Variants in CABIN1 observed in about 807,000 individuals in gnomAD.
CABIN1 encodes calcineurin binding protein 1.
In CABIN1, 133 loss-of-function variants were observed where a neutral mutation model predicts 227.7. That is an observed-to-expected ratio of 0.58 (90% CI 0.51 to 0.67). The LOEUF (loss-of-function observed/expected upper bound fraction) is 0.67. Ranked by LOEUF, CABIN1 falls within the 30% of genes least tolerant of loss-of-function variation. CABIN1 has a pLI of 0.00. For missense variants in CABIN1, 2,408 were observed against 2,852.5 expected, an observed-to-expected ratio of 0.84 and a Z score of 3.55; for synonymous variants, 1,086 against 1,155.1, an observed-to-expected ratio of 0.94 and a Z score of 1.21.
chr22:24,110,175 A>G (rs181098901), intron 26 of CABIN1, among the ~76,000 whole-genome samples: 1 of 152,100 alleles, frequency 6.6e-6, no homozygotes, highest in Non-Finnish European at 1.5e-5. Flanking sequence ...CTCAAAAAAA[A>G]TTTTTTTTAA....
chr22:24,097,920 G>C (rs1021394990), intron 25 of CABIN1, 94 bp from the exon 26 acceptor site: 10 of 1,508,928 alleles, frequency 6.6e-6, no homozygotes, highest in Admixed American at 5.0e-5. Context: ...TGGGAGCAGT[G>C]GGCCCTGGGA....
chr22:24,083,736 G>A (rs959939934), intron 20 of CABIN1, among the ~76,000 whole-genome samples: 5 of 152,062 alleles, frequency 3.3e-5, no homozygotes, highest in African/African-American at 1.2e-4. Context: ...GAATAGCCCT[G>A]GGTGGCAGAG....
intron 29 of CABIN1, among the ~76,000 whole-genome samples, chr22:24,154,523 C>T (rs1427429491): frequency 6.6e-6 from 1 of 152,216 alleles, no homozygotes; most frequent in Non-Finnish European, 1.5e-5. Flanking sequence ...AAGACCCTGA[C>T]CATGGTGAGG....
In CABIN1 at chr22:24,167,331, G is replaced by A; in HGVS notation, c.5682+18G>A. 1 of 1,606,830 alleles carries A rather than the reference G, an allele frequency of 6.2e-7. No homozygotes were observed. The highest frequency in any genetic ancestry group is 8.5e-7 in the Non-Finnish European group (1 of 1,176,576). On this transcript the variant is annotated intron_variant, in intron 32 of 36. Transcript: ENST00000263119. ...TCAAGCAGGTGGGTGGCAGGCAGAG[G>A]CCTGGGGGCACTAGTCTGCTGGCAG...
intron 8 of CABIN1, among the ~76,000 whole-genome samples, chr22:24,052,847 CT>C (rs1457694949): frequency 6.6e-6 from 1 of 151,750 alleles, no homozygotes; most frequent in African/African-American, 2.4e-5. Flanking sequence ...TTTACCACCC[CT>C]GGTTTCCTCA....
chr22:24,169,103 G>A (rs891975206), intron 33 of CABIN1, among the ~76,000 whole-genome samples: 3 of 152,146 alleles, frequency 2.0e-5, no homozygotes, highest in African/African-American at 7.2e-5. Context: ...ATGGCAGGGA[G>A]TAGGGAGTTG....
chr22:24,048,903 C>T (rs1179432060), intron 6 of CABIN1, among the ~76,000 whole-genome samples, 188 bp from the exon 7 acceptor site: 1 of 152,214 alleles, frequency 6.6e-6, no homozygotes, highest in Non-Finnish European at 1.5e-5. Flanking sequence ...TGGGTCTGCT[C>T]ACCTTGCAGT....
At position 24,043,094 on chromosome 22, in the gene CABIN1, G is replaced by A. The variant is rs1569113616; in HGVS notation, c.526+10G>A. On this transcript the variant is annotated intron_variant, in intron 6 of 36. Transcript: ENST00000263119. ...CTCAGTGATTACACAAGTGAGTCAT[G>A]CTTTGATGCTTTCTTCCATGTGCCA... The A allele has an allele frequency of 2.5e-6, 4 of 1,613,132 alleles. No individual in the cohort carries two copies. The highest frequency in any genetic ancestry group is 2.5e-6 in the Non-Finnish European group (3 of 1,179,282).
At chr22:24,017,365 T>C (rs1236482076) in intron 1 of CABIN1, among the ~76,000 whole-genome samples, 1 of 152,180 alleles carries the variant, frequency 6.6e-6, no homozygotes, top group Non-Finnish European at 1.5e-5. Flanking sequence ...ATTTTTTAAG[T>C]GTGCCATTTT....
chr22:24,175,153 G>A (rs183635166), intron 34 of CABIN1, among the ~76,000 whole-genome samples: 28 of 152,266 alleles, frequency 1.8e-4, no homozygotes, highest in Admixed American at 1.7e-3. Context: ...TGCCAGGATG[G>A]AACTGTTGAA....
At chr22:24,057,029 C>T (rs1274842528) in intron 10 of CABIN1, among the ~76,000 whole-genome samples, 2 of 152,126 alleles carry the variant, frequency 1.3e-5, no homozygotes, top group Admixed American at 6.5e-5. Flanking sequence ...CTCCACCTCC[C>T]GGGTTCATGC....
intron 29 of CABIN1, among the ~76,000 whole-genome samples, chr22:24,138,659 C>G (rs2044562661): frequency 6.6e-6 from 1 of 152,194 alleles, no homozygotes; most frequent in African/African-American, 2.4e-5. Context: ...AGGGAAGGCT[C>G]TATCCTCCTG....
At chr22:24,037,536 G>A (rs2037013235) in intron 3 of CABIN1, among the ~76,000 whole-genome samples, 2 of 151,956 alleles carry the variant, frequency 1.3e-5, no homozygotes, top group South Asian at 2.1e-4. Context: ...TGAACTCCTC[G>A]GTTCACACCT....
At position 24,059,795 on chromosome 22, in the gene CABIN1, G is replaced by A. The variant is rs150949385; in HGVS notation, c.1400-129G>A. On this transcript the variant is annotated intron_variant, in intron 11 of 36. Coordinates refer to ENST00000263119, the MANE Select transcript of CABIN1 (RefSeq NM_012295.4). Reference sequence around the variant, plus strand: ...AGTAGCCTGATCTCAGCACCACAACGTGGTATCATGTCCACCTGGATCAGA... The same window carrying A: ...AGTAGCCTGATCTCAGCACCACAACATGGTATCATGTCCACCTGGATCAGA... The A allele has an allele frequency of 2.1e-4, 173 of 832,512 alleles. 1 individual carries two copies. Among genetic ancestry groups the A allele is most frequent in the East Asian group, 1.9e-3 (71 of 37,600 alleles). The allele number at this position is 832,512 out of a possible 1,614,324, so 51.6% of individuals were successfully genotyped here. A position where few individuals can be genotyped will look rare whatever the true frequency, so the allele number is the denominator to read the frequency against.
chr22:24,042,871 TGTGTG>T, intron 5 of CABIN1, 28 bp from the exon 6 acceptor site: 2 of 1,379,502 alleles, frequency 1.4e-6, no homozygotes, highest in Non-Finnish European at 2.0e-6. Context: ...TGTGTGTGTG[TGTGTG>T]TTTGCCCTCT....
Position 24,067,076 on chromosome 22 carries a change from G to A in CABIN1, c.2127G>A (p.Val709=). Reference sequence around the variant, plus strand: ...AAGCAGGCGACTACAAGGCTGTTGTGCATCTGCTCCGCCCCACTTTGTGCA... The same window carrying A: ...AAGCAGGCGACTACAAGGCTGTTGTACATCTGCTCCGCCCCACTTTGTGCA... ...LYEAGDYKAV[V]HLLRPTLCTS... The change falls in exon 16 of 37, where the codon GTG becomes GTA. Residue 709 remains valine, a synonymous_variant. Transcript: ENST00000263119. The A allele has an allele frequency of 1.2e-6, 2 of 1,614,196 alleles. No homozygotes were observed. Among genetic ancestry groups the A allele is most frequent in the Non-Finnish European group, 1.7e-6 (2 of 1,180,030 alleles).
intron 29 of CABIN1, among the ~76,000 whole-genome samples, chr22:24,157,066 G>T (rs999116379): frequency 6.6e-6 from 1 of 152,198 alleles, no homozygotes; most frequent in Non-Finnish European, 1.5e-5. Flanking sequence ...ACCGCGTTGT[G>T]GGGGGTGGGG....
intron 15 of CABIN1, among the ~76,000 whole-genome samples, chr22:24,064,735 C>T (rs919147479): frequency 6.6e-6 from 1 of 152,058 alleles, no homozygotes; most frequent in Non-Finnish European, 1.5e-5. Context: ...AGCATGCTGC[C>T]TTCAAGCATC....
chr22:24,076,798 T>C (rs541387072), intron 19 of CABIN1, among the ~76,000 whole-genome samples: 30 of 152,224 alleles, frequency 2.0e-4, no homozygotes, highest in Non-Finnish European at 3.1e-4. Flanking sequence ...TGACTGGAAG[T>C]AGCTCCCTGG....
Sources: gnomAD v4.1 joint callset for allele counts (sites outside exome capture counted in the v4.1 genomes callset) on GRCh38, gnomAD v4.1.1 for gene constraint, MANE v1.5 for transcripts, NCBI Gene and HGNC (gene_info 2026-07-23, HGNC 2026-07-21) for gene names.